Variants in LMX1A observed in about 807,000 individuals in gnomAD.
The protein encoded by LMX1A is LIM homeobox transcription factor 1-alpha.
LMX1A carries 15 observed loss-of-function variants against 49.1 expected under a neutral mutation model. The ratio of observed to expected loss-of-function variants is 0.31; its 90% CI spans 0.20 to 0.47. The LOEUF (loss-of-function observed/expected upper bound fraction) is 0.47. LMX1A is among the 20% of genes least tolerant of loss of function. The pLI is 1.00. For synonymous variants in LMX1A, 167 were observed against 185.7 expected, an observed-to-expected ratio of 0.90 and a Z score of 0.82; for missense variants, 372 against 475.8, an observed-to-expected ratio of 0.78 and a Z score of 2.03.
At position 165,351,919 on chromosome 1, in the gene LMX1A, T is replaced by C. The variant is rs139868573; in HGVS notation, c.263+1157A>G. ...TGCTTTTCACGCACGCTAACCCTCCTTTGATTATCTTCATGTAATGCTGTC... is the reference window on the plus strand; with the variant it reads ...TGCTTTTCACGCACGCTAACCCTCCCTTGATTATCTTCATGTAATGCTGTC... On this transcript the variant is annotated intron_variant, in intron 3 of 8. Transcript: ENST00000342310. Among the ~76,000 whole-genome samples the C allele has an allele frequency of 3.2e-3, 483 of 152,382 alleles. 5 individuals carry two copies. Among genetic ancestry groups the C allele is most frequent in the African/African-American group, 0.011 (471 of 41,594 alleles).
chr1:165,322,844 A>G (rs1470834827), intron 3 of LMX1A, among the ~76,000 whole-genome samples: 28 of 152,290 alleles, frequency 1.8e-4, no homozygotes. Context: ...ATTACCCACT[A>G]TGGTTCCTTA....
chr1:165,280,286 C>T (rs767198838), intron 3 of LMX1A, among the ~76,000 whole-genome samples: 2 of 152,140 alleles, frequency 1.3e-5, no homozygotes. Context: ...TTCCTCACCT[C>T]GGACTCAGGG....
At chr1:165,233,068 T>C (rs995425067) in intron 4 of LMX1A, among the ~76,000 whole-genome samples, 13 of 152,144 alleles carry the variant, frequency 8.5e-5, no homozygotes, top group Non-Finnish European at 1.6e-4. Context: ...CATAAACACT[T>C]TATATATATT....
intron 2 of LMX1A, among the ~76,000 whole-genome samples, chr1:165,354,023 G>T (rs1221432997): frequency 6.6e-6 from 1 of 152,226 alleles, no homozygotes. Flanking sequence ...AGCGGAGGCA[G>T]GAAATCCACT....
intron 3 of LMX1A, among the ~76,000 whole-genome samples, chr1:165,275,403 C>T (rs1436161639): frequency 2.0e-5 from 3 of 152,212 alleles, no homozygotes; most frequent in African/African-American, 4.8e-5. Flanking sequence ...TGCAACTGCT[C>T]GTTAGCATTT....
In LMX1A at chr1:165,323,647, G is replaced by T. The variant is rs118033046; in HGVS notation, c.263+29429C>A. Among the ~76,000 whole-genome samples, 7 of 152,274 alleles carry T rather than the reference G, an allele frequency of 4.6e-5. No individual in the cohort carries two copies. The East Asian group carries it at 1.2e-3, about 25-fold the overall frequency. On this transcript the variant is annotated intron_variant, in intron 3 of 8. Transcript: ENST00000342310. ...GATCTCTGCAAACTGCCTTTTTAAA[G>T]ATCTGAATCCAAATTTACCTACTCT...
At chr1:165,274,024 A>C (rs1653887489) in intron 3 of LMX1A, among the ~76,000 whole-genome samples, 1 of 152,252 alleles carries the variant, frequency 6.6e-6, no homozygotes. Flanking sequence ...TGAGTCAAAC[A>C]TAATTGTCAT....
At chr1:165,235,904 G>A (rs1652415608) in intron 4 of LMX1A, among the ~76,000 whole-genome samples, 1 of 152,118 alleles carries the variant, frequency 6.6e-6, no homozygotes, top group Non-Finnish European at 1.5e-5. Context: ...CCGTCCGTGT[G>A]TGTTTCTGCG....
intron 3 of LMX1A, among the ~76,000 whole-genome samples, chr1:165,272,222 A>C (rs1489495425): frequency 6.6e-6 from 1 of 152,152 alleles, no homozygotes. Context: ...AGGGCTTGAC[A>C]AGCTGGATGC....
At chr1:165,234,421 T>C (rs769084450) in intron 4 of LMX1A, among the ~76,000 whole-genome samples, 5 of 152,222 alleles carry the variant, frequency 3.3e-5, no homozygotes, top group South Asian at 2.1e-4. Context: ...CCAGACTCTA[T>C]GATCTCATAG....
At position 165,203,835 on chromosome 1, in the gene LMX1A, G is replaced by C. The variant is rs1650949412; in HGVS notation, c.*45C>G. On this transcript the variant is annotated 3_prime_UTR_variant, in exon 9 of 9. Transcript: ENST00000342310. Reference sequence around the variant, plus strand: ...AAGCCAGTGACCCCTCAAAGAATATGGTTGTTCCATATGGGAGCCTAGTCA... The same window carrying C: ...AAGCCAGTGACCCCTCAAAGAATATCGTTGTTCCATATGGGAGCCTAGTCA... 3 of 1,598,172 alleles carry C rather than the reference G, an allele frequency of 1.9e-6. No individual in the cohort carries two copies. The highest frequency in any genetic ancestry group is 2.6e-6 in the Non-Finnish European group (3 of 1,166,496).
chr1:165,270,002 T>G (rs569379141), intron 3 of LMX1A, among the ~76,000 whole-genome samples: 1 of 152,194 alleles, frequency 6.6e-6, no homozygotes, highest in African/African-American at 2.4e-5. Context: ...ACACGTTTAC[T>G]TATGTAACAA....
chr1:165,209,079 A>C (rs994871497), intron 6 of LMX1A, among the ~76,000 whole-genome samples: 16 of 152,008 alleles, frequency 1.1e-4, no homozygotes, highest in Non-Finnish European at 1.9e-4. Flanking sequence ...TTTTGTAAAA[A>C]TTTTCTTTAT....
chr1:165,330,631 T>A (rs2101752035), intron 3 of LMX1A, among the ~76,000 whole-genome samples: 1 of 152,268 alleles, frequency 6.6e-6, no homozygotes, highest in South Asian at 2.1e-4. Flanking sequence ...AGGCAGATAT[T>A]GAAAGGGAGT....
intron 4 of LMX1A, among the ~76,000 whole-genome samples, chr1:165,228,373 C>A (rs1571161798): frequency 6.6e-6 from 1 of 152,152 alleles, no homozygotes; most frequent in African/African-American, 2.4e-5. Context: ...TCTTTTGTTG[C>A]TAATTTGTAG....
In LMX1A at chr1:165,293,080, G is replaced by GTAC. The variant is rs770393407; in HGVS notation, c.264-43443_264-43441dup. The stretch of plus-strand genomic sequence containing the variant: ...TGCAGTGAGCCGAGATTGCACCATT[G>GTAC]TACTCTAGCCGGGCGACAGAGAGAG... On this transcript the variant is annotated intron_variant, in intron 3 of 8. Coordinates refer to ENST00000342310, the MANE Select transcript of LMX1A (RefSeq NM_177398.4). 2.0e-5 allele frequency among the ~76,000 whole-genome samples: 3 copies of GTAC among 150,742 alleles called. No individual in the cohort carries two copies. The South Asian group carries it at 6.3e-4, about 32-fold the overall frequency.
At chr1:165,273,462 C>T (rs1399021180) in intron 3 of LMX1A, among the ~76,000 whole-genome samples, 3 of 152,162 alleles carry the variant, frequency 2.0e-5, no homozygotes, top group Non-Finnish European at 1.5e-5. Flanking sequence ...AACAATCTGT[C>T]AAGAAAGTCA....
At chr1:165,244,294 A>G (rs1652764902) in intron 4 of LMX1A, among the ~76,000 whole-genome samples, 2 of 152,186 alleles carry the variant, frequency 1.3e-5, no homozygotes, top group African/African-American at 4.8e-5. Context: ...AAATGTAAGT[A>G]AAGTGTGAGC....
chr1:165,295,530 T>C (rs1654592007), intron 3 of LMX1A, among the ~76,000 whole-genome samples: 1 of 151,152 alleles, frequency 6.6e-6, no homozygotes, highest in Non-Finnish European at 1.5e-5. Flanking sequence ...TGAAGATTCA[T>C]TTTTTCCCAA....
Sources: allele counts gnomAD v4.1 joint callset (sites outside exome capture counted in the v4.1 genomes callset), GRCh38; gene constraint gnomAD v4.1.1; transcripts MANE v1.5; gene names NCBI Gene and HGNC (gene_info 2026-07-23, HGNC 2026-07-21).